Variants in COQ8A observed in about 807,000 individuals in gnomAD.
COQ8A encodes coenzyme Q8A, also known as atypical kinase COQ8A, mitochondrial.
Under a neutral mutation model 65.0 loss-of-function variants are expected in COQ8A, and 51 were observed. The observed-to-expected ratio is 0.78, with a 90% CI of 0.63 to 0.99. The LOEUF is 0.99. Among genes scored for constraint, COQ8A ranks in the 50% least tolerant of loss-of-function variants. The pLI, the probability that COQ8A is intolerant of heterozygous loss-of-function variation, is 0.00. For synonymous variants in COQ8A, 371 were observed against 353.2 expected (o/e 1.05, Z -0.57); for missense variants, 940 against 875.0 (o/e 1.07, Z -0.94).
rs572519624 is a variant in COQ8A, at chr1:226,969,445, C to T, written c.655+3708C>T. ...TCCCGAGTAGCTGAGACTACACGTG[C>T]GTGATAAGTCTCGATCTCCTGACCT... On this transcript the variant is annotated intron_variant, in intron 4 of 14. Coordinates refer to ENST00000366777, the MANE Select transcript of COQ8A (RefSeq NM_020247.5). Among the ~76,000 whole-genome samples the T allele has an allele frequency of 3.9e-4, 59 of 152,270 alleles. 1 individual carries two copies. The South Asian group carries it at 0.011, about 29-fold the overall frequency.
In COQ8A at chr1:226,946,472, G is replaced by A. The variant is rs1336221917; in HGVS notation, c.-10+6073G>A. ...ATCTAGCGAGAGGTATCGCTGCAGA[G>A]GTGTCTGGGGCTCCACAGTGAAGGG... On this transcript the variant is annotated intron_variant, in intron 1 of 14. Transcript: ENST00000366777. This position sits in a 1 kb window ranked among gnomAD's most constrained non-coding sequence, Gnocchi z 5.3. Among the ~76,000 whole-genome samples, 2 of 152,162 alleles carry A rather than the reference G, an allele frequency of 1.3e-5. No homozygotes were observed. The highest frequency in any genetic ancestry group is 1.3e-4 in the Admixed American group (2 of 15,278).
intron 1 of COQ8A, among the ~76,000 whole-genome samples, chr1:226,958,890 A>T (rs1319534342): frequency 6.6e-6 from 1 of 152,174 alleles, no homozygotes; most frequent in Admixed American, 6.5e-5. Context: ...GGTAGGTGGG[A>T]GACTGGTGTT....
chr1:226,986,729 C>A lies in COQ8A; in HGVS notation c.1936C>A (p.Gln646Lys), dbSNP rs555171534. The A allele has an allele frequency of 9.4e-5, 151 of 1,613,150 alleles. 1 individual carries two copies. In the South Asian group the frequency reaches 1.6e-3, roughly 17 times the overall value. The change falls in exon 15 of 15, where the codon CAG (glutamine) becomes AAG (lysine). Residue 646 changes from glutamine to lysine, a missense_variant. Coordinates refer to ENST00000366777, the MANE Select transcript of COQ8A (RefSeq NM_020247.5). Reference sequence around the variant, plus strand: ...CAGCAACTACTGCAAGAGGCAGGCCCAGCAGTAGGGCTGCGGGCCACGCCC... The same window carrying A: ...CAGCAACTACTGCAAGAGGCAGGCCAAGCAGTAGGGCTGCGGGCCACGCCC... ...AYSNYCKRQA[Q>K]Q
intron 9 of COQ8A, 45 bp downstream of exon 9, chr1:226,983,678 G>A (rs754359903): frequency 5.0e-6 from 8 of 1,612,306 alleles, no homozygotes; most frequent in African/African-American, 1.3e-5. Context: ...TGGGTGGCAG[G>A]CATCTGTGTT....
At chr1:226,953,079 G>C (rs1440155643) in intron 1 of COQ8A, among the ~76,000 whole-genome samples, 2 of 152,070 alleles carry the variant, frequency 1.3e-5, no homozygotes, top group African/African-American at 4.8e-5. Flanking sequence ...TCCCAGGCTG[G>C]AGTGCAGTGG....
chr1:226,981,895 G>A (rs995754282), intron 5 of COQ8A, 132 bp from the exon 6 acceptor site: 1 of 1,380,142 alleles, frequency 7.2e-7, no homozygotes, highest in African/African-American at 1.4e-5. Flanking sequence ...ACAGTAGTTA[G>A]TTATGTTGCT....
chr1:226,982,332 TGGA>T, intron 6 of COQ8A, 183 bp downstream of exon 6: 1 of 918,342 alleles, frequency 1.1e-6, no homozygotes, highest in Non-Finnish European at 1.6e-6. Flanking sequence ...AAGAAACACA[TGGA>T]ATAAAGAGCA....
intron 1 of COQ8A, among the ~76,000 whole-genome samples, chr1:226,960,830 G>A (rs1293297591): frequency 1.3e-5 from 2 of 152,106 alleles, no homozygotes; most frequent in Non-Finnish European, 2.9e-5. Context: ...ATGGATATCC[G>A]TCACAGGCCT....
chr1:226,976,951 A>G (rs1440488589), intron 4 of COQ8A, among the ~76,000 whole-genome samples: 1 of 152,122 alleles, frequency 6.6e-6, no homozygotes, highest in Non-Finnish European at 1.5e-5. Context: ...TCTCACCACC[A>G]AGTGCTTTGT....
Position 226,986,993 on chromosome 1 carries a change from A to T in COQ8A, c.*256A>T, listed in dbSNP as rs1215179283. 3.6e-6 allele frequency: 2 copies of T among 560,378 alleles called. No individual in the cohort carries two copies. The highest frequency in any genetic ancestry group is 3.8e-5 in the African/African-American group (2 of 53,182). 34.7% of individuals were successfully genotyped at this position (560,378 alleles called of 1,614,324 possible). A position where few individuals can be genotyped will look rare whatever the true frequency, so the allele number is the denominator to read the frequency against. On this transcript the variant is annotated 3_prime_UTR_variant, in exon 15 of 15. Coordinates refer to ENST00000366777, the MANE Select transcript of COQ8A (RefSeq NM_020247.5). Reference sequence around the variant, plus strand: ...TGTGTCCTCTGAAATAAGCAGATGAAGATGAAAGGGCAACTTTGTTTTCTT... The same window carrying T: ...TGTGTCCTCTGAAATAAGCAGATGATGATGAAAGGGCAACTTTGTTTTCTT...
chr1:226,947,808 T>C (rs887162346), intron 1 of COQ8A, among the ~76,000 whole-genome samples: 2 of 151,252 alleles, frequency 1.3e-5, no homozygotes, highest in African/African-American at 4.9e-5. Context: ...AAAATATATA[T>C]ATATATATAT....
chr1:226,952,791 A>G (rs1007579761), intron 1 of COQ8A, among the ~76,000 whole-genome samples: 1 of 152,204 alleles, frequency 6.6e-6, no homozygotes, highest in Non-Finnish European at 1.5e-5. Flanking sequence ...AAATATAGAT[A>G]CAGGTACAAA....
chr1:226,967,514 G>A (rs924221178), intron 4 of COQ8A, among the ~76,000 whole-genome samples: 5 of 152,254 alleles, frequency 3.3e-5, no homozygotes, highest in African/African-American at 9.6e-5. Context: ...TCTTGATGGT[G>A]AATTAGAATC....
chr1:226,965,198 A>G lies in COQ8A; in HGVS notation c.376A>G (p.Arg126Gly). ...TGCCTACGTGGCCAGTGGACCCTTT[A>G]GAGAAGCCGGGTTCCCCGGCCAGGC... ...APAYVASGPF[R>G]EAGFPGQASS... Residue 126 changes from arginine to glycine, a missense_variant, in exon 3 of 15, where the codon AGA becomes GGA. Arg to Gly is a moderately radical substitution (Grantham distance 125). Coordinates refer to ENST00000366777, the MANE Select transcript of COQ8A (RefSeq NM_020247.5). 6.2e-7 allele frequency: 1 copy of G among 1,613,644 alleles called. No homozygotes were observed. The highest frequency in any genetic ancestry group is 8.5e-7 in the Non-Finnish European group (1 of 1,179,994).
chr1:226,977,432 C>A lies in COQ8A; in HGVS notation c.656-17C>A. The A allele has an allele frequency of 1.2e-5, 19 of 1,553,704 alleles. No individual in the cohort carries two copies. The highest frequency in any genetic ancestry group is 1.7e-5 in the Non-Finnish European group (19 of 1,148,920). ...GCCCTGCGTGAGCACTGAGTGCCCG[C>A]CCCCTCCTCCTTGCAGGTCTGGCCG... is the stretch of plus-strand genomic sequence containing the variant. On this transcript the variant is annotated splice_polypyrimidine_tract_variant and intron_variant, in intron 4 of 14. Coordinates refer to ENST00000366777, the MANE Select transcript of COQ8A (RefSeq NM_020247.5).
intron 4 of COQ8A, among the ~76,000 whole-genome samples, chr1:226,974,409 G>A (rs1038148542): frequency 6.6e-6 from 1 of 152,248 alleles, no homozygotes; most frequent in African/African-American, 2.4e-5. Flanking sequence ...TGCTGGCCAC[G>A]TGGGCCAAGC....
chr1:226,943,002 A>G (rs947434649), intron 1 of COQ8A, among the ~76,000 whole-genome samples: 2 of 152,168 alleles, frequency 1.3e-5, no homozygotes, highest in Non-Finnish European at 2.9e-5. Flanking sequence ...TCCTAAGCCT[A>G]TTCAGTGAGT....
Position 226,961,577 on chromosome 1 carries a change from C to T in COQ8A, c.177+15C>T. 1 of 1,601,820 alleles carries T rather than the reference C, an allele frequency of 6.2e-7. No homozygotes were observed. The highest frequency in any genetic ancestry group is 2.2e-5 in the East Asian group (1 of 44,642). On this transcript the variant is annotated intron_variant, in intron 2 of 14. Transcript: ENST00000366777. ...GGAAGGTGCAGGTAAGGGGGCCTGG[C>T]AGTGGGAGGGGTGCTGGCAGGAAGA...
chr1:226,981,656 C>T (rs1659698318), intron 5 of COQ8A, among the ~76,000 whole-genome samples: 1 of 152,212 alleles, frequency 6.6e-6, no homozygotes, highest in Non-Finnish European at 1.5e-5. Flanking sequence ...ACCTGGGGTC[C>T]TCTGGGTCCC....
Sources: allele counts gnomAD v4.1 joint callset (sites outside exome capture counted in the v4.1 genomes callset), GRCh38; gene constraint gnomAD v4.1.1; non-coding constraint Gnocchi (gnomAD v3.1); transcripts MANE v1.5; gene names NCBI Gene and HGNC (gene_info 2026-07-23, HGNC 2026-07-21).